COL21A1: variants seen among roughly 807,000 people sequenced by gnomAD.
COL21A1 encodes the protein collagen type XXI alpha 1 chain.
A neutral mutation model predicts 137.9 loss-of-function variants in COL21A1; 149 were observed. The ratio of observed to expected loss-of-function variants is 1.08; its 90% CI spans 0.95 to 1.24. The LOEUF is 1.24. COL21A1 is among the 50% of genes most tolerant of loss of function. The pLI, the probability that COL21A1 is intolerant of heterozygous loss-of-function variation, is 0.00. For synonymous variants in COL21A1, 456 were observed against 391.5 expected, an observed-to-expected ratio of 1.16 and a Z score of -1.95; for missense variants, 1,167 against 1,158.4, an observed-to-expected ratio of 1.01 and a Z score of -0.11.
chr6:56,142,016 A>G (rs980711676), intron 10 of COL21A1, 33 bp from the exon 11 acceptor site: 82 of 1,390,652 alleles, frequency 5.9e-5, no homozygotes, highest in Non-Finnish European at 7.8e-5. Context: ...AAAAAATAAT[A>G]TTTCATCATA....
At chr6:56,209,586 C>T (rs1397224953) in intron 1 of COL21A1, among the ~76,000 whole-genome samples, 2 of 152,176 alleles carry the variant, frequency 1.3e-5, no homozygotes, top group Non-Finnish European at 2.9e-5. Context: ...GAGATACCAT[C>T]TCATGCCAGT....
At chr6:56,182,160 C>T (rs1340758764) in intron 2 of COL21A1, among the ~76,000 whole-genome samples, 1 of 152,182 alleles carries the variant, frequency 6.6e-6, no homozygotes, top group Non-Finnish European at 1.5e-5. Flanking sequence ...ATAACATTCA[C>T]TGAGATGTAC....
At chr6:56,271,630 A>C (rs1763527505) in intron 1 of COL21A1, among the ~76,000 whole-genome samples, 1 of 152,252 alleles carries the variant, frequency 6.6e-6, no homozygotes, top group Non-Finnish European at 1.5e-5. Flanking sequence ...GAGAATGGGC[A>C]AAATGTCTCC....
At chr6:56,072,128 C>T (rs952430480) in intron 20 of COL21A1, among the ~76,000 whole-genome samples, 1 of 151,552 alleles carries the variant, frequency 6.6e-6, no homozygotes, top group African/African-American at 2.4e-5. Context: ...CAGCTGTATC[C>T]ATATCCCTGG....
intron 1 of COL21A1, among the ~76,000 whole-genome samples, chr6:56,359,437 C>T (rs1490045559): frequency 2.0e-5 from 3 of 152,184 alleles, no homozygotes; most frequent in African/African-American, 7.2e-5. Flanking sequence ...AAGCACCTCA[C>T]AATACCTTTC....
At chr6:56,365,541 T>C (rs1466596135) in intron 1 of COL21A1, among the ~76,000 whole-genome samples, 1 of 152,198 alleles carries the variant, frequency 6.6e-6, no homozygotes, top group South Asian at 2.1e-4. Flanking sequence ...GATGTCTTAA[T>C]GTAAGCTGCC....
chr6:56,331,460 T>G (rs922343218), intron 1 of COL21A1, among the ~76,000 whole-genome samples: 16 of 152,078 alleles, frequency 1.1e-4, no homozygotes, highest in Non-Finnish European at 2.2e-4. Flanking sequence ...TTTTATATGG[T>G]GAAAGATGGG....
intron 1 of COL21A1, among the ~76,000 whole-genome samples, chr6:56,350,332 T>C (rs1194874053): frequency 2.0e-5 from 3 of 152,140 alleles, no homozygotes; most frequent in East Asian, 1.9e-4. Context: ...TGATAGAGGA[T>C]TGGTGACCTC....
intron 1 of COL21A1, among the ~76,000 whole-genome samples, chr6:56,327,457 T>C (rs987797779): frequency 7.2e-5 from 11 of 152,142 alleles, no homozygotes; most frequent in African/African-American, 2.4e-4. Flanking sequence ...GTGTTTGGCC[T>C]GGGGAATGGA....
Position 56,060,139 on chromosome 6 carries a change from A to T in COL21A1, c.2487T>A (p.Ile829=). Residue 829 remains isoleucine, a synonymous_variant, in exon 28 of 30, where the codon ATT becomes ATA. Coordinates refer to ENST00000244728, the MANE Select transcript of COL21A1 (RefSeq NM_030820.4). ...HCLSQHGSPG[I]PGPPGPIGPE... is the part of the protein sequence containing the mutation. Reference sequence around the variant, plus strand: ...GGCCTATCGGACCAGGTGGCCCAGGAATACCCGGGGAGCCATGTTGGGACA... The same window carrying T: ...GGCCTATCGGACCAGGTGGCCCAGGTATACCCGGGGAGCCATGTTGGGACA... The T allele has an allele frequency of 2.5e-6, 4 of 1,611,478 alleles. No homozygotes were observed. The highest frequency in any genetic ancestry group is 3.4e-6 in the Non-Finnish European group (4 of 1,179,126).
At chr6:56,142,181 T>C (rs1217901907) in intron 10 of COL21A1, among the ~76,000 whole-genome samples, 198 bp from the exon 11 acceptor site, 2 of 152,018 alleles carry the variant, frequency 1.3e-5, no homozygotes, top group African/African-American at 4.8e-5. Flanking sequence ...TTAAAAAGTA[T>C]ATAGGGCCCT....
chr6:56,160,312 TTTA>T (rs1353452942), intron 9 of COL21A1, among the ~76,000 whole-genome samples: 1 of 152,224 alleles, frequency 6.6e-6, no homozygotes, highest in African/African-American at 2.4e-5. Flanking sequence ...AGCAGATACT[TTTA>T]TTATTCCCAT....
chr6:56,311,018 T>C (rs1764602827), intron 1 of COL21A1, among the ~76,000 whole-genome samples: 2 of 152,200 alleles, frequency 1.3e-5, no homozygotes, highest in South Asian at 4.1e-4. Flanking sequence ...CCAGGAATAA[T>C]ATACGGCTAT....
chr6:56,223,738 G>T (rs1015589694), intron 1 of COL21A1, among the ~76,000 whole-genome samples: 1 of 152,098 alleles, frequency 6.6e-6, no homozygotes, highest in Non-Finnish European at 1.5e-5. Context: ...GCTCAAGTGT[G>T]TAACATCATT....
At position 56,168,167 on chromosome 6, in the gene COL21A1, T is replaced by C. The variant is rs910799971; in HGVS notation, c.1157A>G (p.Gln386Arg). Residue 386 changes from glutamine to arginine, a missense_variant, in exon 6 of 30, where the codon CAA becomes CGA. By Grantham distance (43) the Gln-to-Arg change is conservative (BLOSUM62 1). Transcript: ENST00000244728. Reference protein sequence around the residue: ...HPVLGILINGQTQIGKYSGKE... With the variant: ...HPVLGILINGRTQIGKYSGKE... ...TCCAGAATATTTTCCAATTTGGGTT[T>C]GCCCATTGATCAAGATCCCTAAAAC... The C allele has an allele frequency of 6.5e-7, 1 of 1,543,490 alleles. No homozygotes were observed. The highest frequency in any genetic ancestry group is 1.4e-5 in the African/African-American group (1 of 73,670).
At chr6:56,269,197 G>T (rs1409647024) in intron 1 of COL21A1, among the ~76,000 whole-genome samples, 1 of 152,170 alleles carries the variant, frequency 6.6e-6, no homozygotes, top group Non-Finnish European at 1.5e-5. Flanking sequence ...TGAGGACATA[G>T]TCCACAAAAA....
chr6:56,106,016 GTAT>G (rs1433304459), intron 16 of COL21A1, among the ~76,000 whole-genome samples: 1 of 152,136 alleles, frequency 6.6e-6, no homozygotes, highest in Non-Finnish European at 1.5e-5. Context: ...TACGTTCAAA[GTAT>G]GGCTACGGAG....
At chr6:56,211,899 T>C (rs906775083) in intron 1 of COL21A1, among the ~76,000 whole-genome samples, 1 of 152,094 alleles carries the variant, frequency 6.6e-6, no homozygotes, top group African/African-American at 2.4e-5. Context: ...ACGTCAGCAA[T>C]TCTAAGGAAG....
chr6:56,097,900 T>C (rs1407432402), intron 17 of COL21A1, among the ~76,000 whole-genome samples: 2 of 91,936 alleles, frequency 2.2e-5, no homozygotes, highest in Non-Finnish European at 4.0e-5. Context: ...TATAAATATA[T>C]AAATATATAA....
Sources: gnomAD v4.1 joint callset for allele counts (sites outside exome capture counted in the v4.1 genomes callset) on GRCh38, gnomAD v4.1.1 for gene constraint, MANE v1.5 for transcripts, NCBI Gene and HGNC (gene_info 2026-07-23, HGNC 2026-07-21) for gene names.